The following CDH13 variants were observed in gnomAD, a reference collection of about 807,000 sequenced individuals.
CDH13 encodes cadherin 13.
Under a neutral mutation model 63.8 loss-of-function variants are expected in CDH13, and 24 were observed. The ratio of observed to expected loss-of-function variants is 0.38; its 90% CI spans 0.27 to 0.53. The LOEUF is 0.53. CDH13 is among the 20% of genes least tolerant of loss of function. The pLI is 0.85. For missense variants in CDH13, 1,049 were observed against 903.1 expected (o/e 1.16, Z -2.07); for synonymous variants, 503 against 355.3 (o/e 1.42, Z -4.67).
chr16:83,145,636 C>T (rs1308749502), intron 4 of CDH13, among the ~76,000 whole-genome samples: 1 of 152,184 alleles, frequency 6.6e-6, no homozygotes. Flanking sequence ...CTTTGAAGAA[C>T]ATTCTATAGA....
chr16:83,687,046 C>T (rs566428166), intron 10 of CDH13, among the ~76,000 whole-genome samples: 189 of 152,182 alleles, frequency 1.2e-3, no homozygotes, highest in Non-Finnish European at 2.4e-3. Flanking sequence ...CCCATCTGTA[C>T]TAAAAATACA....
At chr16:82,683,970 C>G (rs1914811754) in intron 1 of CDH13, among the ~76,000 whole-genome samples, 1 of 152,224 alleles carries the variant, frequency 6.6e-6, no homozygotes, top group Non-Finnish European at 1.5e-5. Flanking sequence ...CTAGTCTCCT[C>G]TTTTATTAAA....
intron 6 of CDH13, among the ~76,000 whole-genome samples, chr16:83,434,845 A>ATG (rs1345655696): frequency 5.0e-5 from 4 of 80,778 alleles, no homozygotes; most frequent in African/African-American, 1.6e-4. Flanking sequence ...AAATATATAT[A>ATG]TATGTGTGTG....
At chr16:83,730,353 G>A (rs1910903483) in intron 10 of CDH13, among the ~76,000 whole-genome samples, 1 of 152,158 alleles carries the variant, frequency 6.6e-6, no homozygotes, top group African/African-American at 2.4e-5. Flanking sequence ...CCCAGTTTTG[G>A]AATGTGCTCC....
intron 1 of CDH13, among the ~76,000 whole-genome samples, chr16:82,815,564 A>G (rs1040711670): frequency 5.3e-5 from 8 of 152,236 alleles, no homozygotes; most frequent in Admixed American, 3.9e-4. Context: ...ATTAAAGCCC[A>G]CTGCTCTCAA....
At chr16:83,446,355 C>G (rs1433448056) in intron 6 of CDH13, among the ~76,000 whole-genome samples, 1 of 151,276 alleles carries the variant, frequency 6.6e-6, no homozygotes, top group Admixed American at 6.6e-5. Flanking sequence ...AGTACCTTCA[C>G]TAGATTTAGA....
intron 2 of CDH13, chr16:82,953,460 T>C (rs1905587416): frequency 6.6e-6 from 1 of 152,212 alleles, no homozygotes; most frequent in Non-Finnish European, 1.5e-5. Flanking sequence ...AAATCTAATA[T>C]AATCTTACTT....
intron 1 of CDH13, among the ~76,000 whole-genome samples, chr16:82,675,840 A>G (rs1015569626): frequency 8.5e-5 from 13 of 152,206 alleles, no homozygotes; most frequent in Non-Finnish European, 1.8e-4. Flanking sequence ...ACTTGAGTTC[A>G]GAAGCCAAAA....
chr16:83,131,977 A>G (rs1181367225), intron 4 of CDH13, among the ~76,000 whole-genome samples: 4 of 152,190 alleles, frequency 2.6e-5, no homozygotes, highest in Admixed American at 2.6e-4. Context: ...AATTTACATC[A>G]GCTTTGCCAT....
At chr16:83,461,699 T>C (rs1312914534) in intron 6 of CDH13, among the ~76,000 whole-genome samples, 1 of 152,208 alleles carries the variant, frequency 6.6e-6, no homozygotes, top group Non-Finnish European at 1.5e-5. Flanking sequence ...TCTCCCAGCA[T>C]CTTGATTTGA....
At chr16:83,145,668 T>A (rs1708888341) in intron 4 of CDH13, among the ~76,000 whole-genome samples, 1 of 152,230 alleles carries the variant, frequency 6.6e-6, no homozygotes. Flanking sequence ...ATTCCAGACC[T>A]CTGATTCATG....
chr16:82,743,548 A>G (rs1432090220), intron 1 of CDH13, among the ~76,000 whole-genome samples: 3 of 152,164 alleles, frequency 2.0e-5, no homozygotes, highest in Non-Finnish European at 4.4e-5. Flanking sequence ...GCATAATTTG[A>G]AATCTGTTGG....
chr16:83,406,079 C>A (rs1226872400), intron 6 of CDH13, among the ~76,000 whole-genome samples: 1 of 152,110 alleles, frequency 6.6e-6, no homozygotes, highest in Non-Finnish European at 1.5e-5. Flanking sequence ...CATAGTAGCC[C>A]CAAATCAAGG....
intron 3 of CDH13, among the ~76,000 whole-genome samples, chr16:83,089,417 C>T (rs4133123): frequency 1.3e-5 from 2 of 152,140 alleles, no homozygotes; most frequent in Non-Finnish European, 2.9e-5. Context: ...CAATAGTGAA[C>T]GAAAAACTTG....
intron 2 of CDH13, among the ~76,000 whole-genome samples, chr16:82,975,885 C>A (rs976881353): frequency 1.3e-5 from 2 of 152,130 alleles, no homozygotes; most frequent in Non-Finnish European, 2.9e-5. Context: ...CAGCATAATG[C>A]AGTTGAATAC....
chr16:82,778,568 C>CAG (rs2035604206), intron 1 of CDH13, among the ~76,000 whole-genome samples: 1 of 48,698 alleles, frequency 2.1e-5, no homozygotes, highest in Non-Finnish European at 4.1e-5. Context: ...GAATCACGAC[C>CAG]AGAAAAAAAA....
chr16:82,738,734 A>C (rs1038363699), intron 1 of CDH13, among the ~76,000 whole-genome samples: 2 of 152,212 alleles, frequency 1.3e-5, no homozygotes, highest in African/African-American at 2.4e-5. Context: ...ATTTGGGGGA[A>C]AATGTCATCT....
chr16:82,763,268 C>T (rs2034923346), intron 1 of CDH13, among the ~76,000 whole-genome samples: 1 of 152,222 alleles, frequency 6.6e-6, no homozygotes, highest in African/African-American at 2.4e-5. Context: ...TGTCTCCTAT[C>T]ACTCTCTGTC....
At chr16:82,744,690 C>T (rs1019508263) in intron 1 of CDH13, among the ~76,000 whole-genome samples, 1 of 152,114 alleles carries the variant, frequency 6.6e-6, no homozygotes. Context: ...CTTTTGAGTG[C>T]TTAGCACATG....
Sources: allele counts gnomAD v4.1 joint callset (sites outside exome capture counted in the v4.1 genomes callset), GRCh38; gene constraint gnomAD v4.1.1; transcripts MANE v1.5; gene names NCBI Gene and HGNC (gene_info 2026-07-23, HGNC 2026-07-21).